Variants in GRM5 observed in about 807,000 individuals in gnomAD.
The protein encoded by GRM5 is glutamate metabotropic receptor 5, also known as metabotropic glutamate receptor 5.
GRM5 carries 19 observed loss-of-function variants against 83.1 expected under a neutral mutation model. The ratio of observed to expected loss-of-function variants is 0.23; its 90% CI spans 0.16 to 0.34. The LOEUF (loss-of-function observed/expected upper bound fraction) is 0.34, where lower values mean the gene tolerates loss of function less well. Ranked by LOEUF, GRM5 falls within the 10% of genes least tolerant of loss-of-function variation. The pLI, the probability that GRM5 is intolerant of heterozygous loss-of-function variation, is 1.00. For missense variants in GRM5, 1,160 were observed against 1,588.3 expected (o/e 0.73, Z 4.58); for synonymous variants, 675 against 633.6 (o/e 1.07, Z -0.98).
chr11:88,709,819 A>T (rs1941243752), intron 3 of GRM5, among the ~76,000 whole-genome samples: 1 of 152,126 alleles, frequency 6.6e-6, no homozygotes, highest in Non-Finnish European at 1.5e-5. Flanking sequence ...AGTGTCTGAA[A>T]ATCTCTCTCT....
intron 4 of GRM5, among the ~76,000 whole-genome samples, chr11:88,639,849 G>A (rs1267129146): frequency 1.3e-5 from 2 of 152,148 alleles, no homozygotes; most frequent in Non-Finnish European, 2.9e-5. Context: ...TGCCTTAGGA[G>A]TTTGTAGAAA....
chr11:88,921,076 C>CG (rs757848772), intron 2 of GRM5, among the ~76,000 whole-genome samples: 4 of 16,858 alleles, frequency 2.4e-4, no homozygotes, highest in Non-Finnish European at 1.2e-3. Context: ...AAGACCACTG[C>CG]GTTTTTTTTT....
At chr11:88,885,576 C>T (rs1232367838) in intron 2 of GRM5, among the ~76,000 whole-genome samples, 4 of 144,394 alleles carry the variant, frequency 2.8e-5, no homozygotes, top group Non-Finnish European at 4.5e-5. Flanking sequence ...AGTTTTTCAG[C>T]TCCAGTAAGA....
At chr11:88,536,690 T>A (rs950174719) in intron 8 of GRM5, among the ~76,000 whole-genome samples, 1 of 152,144 alleles carries the variant, frequency 6.6e-6, no homozygotes, top group Non-Finnish European at 1.5e-5. Context: ...CTAGATGATA[T>A]CTTTAGTGAT....
At chr11:88,557,374 C>T (rs1457778364) in intron 8 of GRM5, among the ~76,000 whole-genome samples, 2 of 152,130 alleles carry the variant, frequency 1.3e-5, no homozygotes, top group Non-Finnish European at 2.9e-5. Flanking sequence ...TTTATCTCTT[C>T]TCTAGCAGAG....
chr11:88,664,967 C>G (rs1191623246), intron 3 of GRM5, among the ~76,000 whole-genome samples: 1 of 152,074 alleles, frequency 6.6e-6, no homozygotes, highest in Non-Finnish European at 1.5e-5. Flanking sequence ...TTTACATGTT[C>G]ACATTCCACA....
chr11:89,044,712 T>C (rs551967852), intron 2 of GRM5, among the ~76,000 whole-genome samples: 35 of 152,130 alleles, frequency 2.3e-4, no homozygotes, highest in African/African-American at 8.0e-4. Context: ...TGAAGATAAA[T>C]TATCAAGTAC....
At chr11:88,955,229 A>T (rs1025866809) in intron 2 of GRM5, among the ~76,000 whole-genome samples, 29 of 152,336 alleles carry the variant, frequency 1.9e-4, no homozygotes, top group African/African-American at 7.0e-4. Context: ...GAATAAAAAG[A>T]GCTGGGACAA....
chr11:88,618,123 T>G (rs2135252343), intron 4 of GRM5, among the ~76,000 whole-genome samples: 1 of 152,300 alleles, frequency 6.6e-6, no homozygotes, highest in East Asian at 1.9e-4. Context: ...CTGCAAAGGC[T>G]TTGAAAACTG....
At chr11:88,535,583 T>A (rs1024740768) in intron 8 of GRM5, among the ~76,000 whole-genome samples, 4 of 152,216 alleles carry the variant, frequency 2.6e-5, no homozygotes, top group Non-Finnish European at 5.9e-5. Context: ...TATGTGAGAT[T>A]AATTTGTTAT....
chr11:88,754,073 A>G (rs1329098732), intron 3 of GRM5, among the ~76,000 whole-genome samples: 2 of 152,130 alleles, frequency 1.3e-5, no homozygotes, highest in Admixed American at 6.6e-5. Flanking sequence ...GAACCAAACC[A>G]TATCATACAC....
intron 3 of GRM5, among the ~76,000 whole-genome samples, chr11:88,808,107 A>G (rs995345361): frequency 6.6e-6 from 1 of 152,006 alleles, no homozygotes; most frequent in Non-Finnish European, 1.5e-5. Flanking sequence ...GATGGTATAT[A>G]TATTACATAC....
chr11:88,814,788 C>A (rs1203488169), intron 3 of GRM5, among the ~76,000 whole-genome samples: 1 of 151,660 alleles, frequency 6.6e-6, no homozygotes, highest in Admixed American at 6.6e-5. Flanking sequence ...GGGAAAAAAA[C>A]AACCAATAAT....
intron 3 of GRM5, among the ~76,000 whole-genome samples, chr11:88,722,324 A>G (rs1246907351): frequency 1.3e-5 from 2 of 152,072 alleles, no homozygotes; most frequent in Admixed American, 6.6e-5. Flanking sequence ...TCTGCCTCCA[A>G]CCATTTGTAG....
chr11:88,811,597 T>C (rs1269025345), intron 3 of GRM5, among the ~76,000 whole-genome samples: 1 of 152,072 alleles, frequency 6.6e-6, no homozygotes, highest in African/African-American at 2.4e-5. Context: ...GCTCACTCTG[T>C]AGAATGAAAG....
chr11:88,754,648 T>C (rs1942358960), intron 3 of GRM5, among the ~76,000 whole-genome samples: 1 of 152,070 alleles, frequency 6.6e-6, no homozygotes, highest in Admixed American at 6.6e-5. Flanking sequence ...TATAAAAAAT[T>C]TACAGTTATT....
rs567490159 is a variant in GRM5 at position 88,834,093 on chromosome 11, A to G, written c.911+15813T>C. Reference sequence around the variant, plus strand: ...TTAACAAAAATATATTGTTTGTTCTAAAATATCTATAAGAGAGAACTTGAT... The same window carrying G: ...TTAACAAAAATATATTGTTTGTTCTGAAATATCTATAAGAGAGAACTTGAT... On this transcript the variant is annotated intron_variant, in intron 3 of 9. Coordinates refer to ENST00000305447, the MANE Select transcript of GRM5 (RefSeq NM_001143831.3). 6.6e-5 allele frequency among the ~76,000 whole-genome samples: 10 copies of G among 152,286 alleles called. No homozygotes were observed. In the South Asian group the frequency reaches 2.1e-3, roughly 32 times the overall value.
chr11:88,591,539 T>C (rs1186043571), intron 6 of GRM5, among the ~76,000 whole-genome samples: 2 of 152,250 alleles, frequency 1.3e-5, no homozygotes, highest in Non-Finnish European at 2.9e-5. Flanking sequence ...TCATTAAATG[T>C]TCTTTTAAAT....
intron 2 of GRM5, among the ~76,000 whole-genome samples, chr11:88,986,642 C>A (rs537141349): frequency 2.0e-5 from 3 of 151,858 alleles, no homozygotes; most frequent in South Asian, 2.1e-4. Flanking sequence ...CTCTTCCAAG[C>A]CATAGGTTGC....
Sources: allele counts gnomAD v4.1 joint callset (sites outside exome capture counted in the v4.1 genomes callset), GRCh38; gene constraint gnomAD v4.1.1; transcripts MANE v1.5; gene names NCBI Gene and HGNC (gene_info 2026-07-23, HGNC 2026-07-21).